The following ASCC3 variants were observed in gnomAD, a reference collection of about 807,000 sequenced individuals.
The protein encoded by ASCC3 is activating signal cointegrator 1 complex subunit 3, also known as ASC-1 complex subunit P200.
In ASCC3, 158 loss-of-function variants were observed where a neutral mutation model predicts 256.3. That is an observed-to-expected ratio of 0.62 (90% CI 0.54 to 0.70). The LOEUF (loss-of-function observed/expected upper bound fraction) is 0.70, where lower values mean the gene tolerates loss of function less well. Among genes scored for constraint, ASCC3 ranks in the 30% least tolerant of loss-of-function variants. ASCC3 has a pLI of 0.00. For missense variants in ASCC3, 2,259 were observed against 2,626.0 expected (o/e 0.86, Z 3.05); for synonymous variants, 948 against 883.4 (o/e 1.07, Z -1.30).
chr6:100,830,151 A>G (rs954096425), intron 4 of ASCC3, among the ~76,000 whole-genome samples: 4 of 151,956 alleles, frequency 2.6e-5, no homozygotes, highest in Non-Finnish European at 5.9e-5. Flanking sequence ...AACCACAGAA[A>G]GCAAAACTTG....
chr6:100,587,146 A>G (rs1771741831), intron 36 of ASCC3, among the ~76,000 whole-genome samples: 1 of 152,146 alleles, frequency 6.6e-6, no homozygotes, highest in African/African-American at 2.4e-5. Flanking sequence ...AGCTTTCCTC[A>G]TCTTCTTATG....
Position 100,532,419 on chromosome 6 carries a change from T to A in ASCC3, c.5775+7744A>T, listed in dbSNP as rs1434760389. ...ATATATATATATATTTTTTTTTTTT[T>A]TTTTTTTTAAATTACAAAAGCCATG... On this transcript the variant is annotated intron_variant, in intron 37 of 41. Transcript: ENST00000369162. 4.3e-4 allele frequency among the ~76,000 whole-genome samples: 61 copies of A among 143,412 alleles called. 1 individual carries two copies. Among genetic ancestry groups the A allele is most frequent in the African/African-American group, 1.5e-3 (58 of 39,412 alleles). 94.1% of individuals were successfully genotyped at this position (143,412 alleles called of 152,430 possible).
intron 10 of ASCC3, among the ~76,000 whole-genome samples, chr6:100,753,886 AT>A (rs1426917347): frequency 6.6e-6 from 1 of 152,154 alleles, no homozygotes; most frequent in African/African-American, 2.4e-5. Flanking sequence ...CATAAAATCA[AT>A]TTGCTTTACT....
intron 1 of ASCC3, among the ~76,000 whole-genome samples, chr6:100,871,119 G>C (rs186776291): frequency 6.6e-6 from 1 of 151,268 alleles, no homozygotes; most frequent in Non-Finnish European, 1.5e-5. Context: ...CTTTTGAGAC[G>C]GAGTCTCACT....
In ASCC3 at chr6:100,606,996, C is replaced by T; in HGVS notation, c.4878G>A (p.Arg1626=). The T allele has an allele frequency of 1.9e-6, 3 of 1,613,478 alleles. No individual in the cohort carries two copies. The highest frequency in any genetic ancestry group is 2.5e-6 in the Non-Finnish European group (3 of 1,179,758). The stretch of plus-strand genomic sequence containing the variant: ...ATAGTTCCTCTACTGTTTTTCGGTC[C>T]CTCTCATGTAGTCCAGCATGATGCA... ...IGMHHAGLHE[R]DRKTVEELFV... The change falls in exon 31 of 42, where the codon AGG becomes AGA. Residue 1626 remains arginine, a synonymous_variant. Coordinates refer to ENST00000369162, the MANE Select transcript of ASCC3 (RefSeq NM_006828.4).
At chr6:100,870,237 T>C (rs1271530905) in intron 1 of ASCC3, among the ~76,000 whole-genome samples, 1 of 149,430 alleles carries the variant, frequency 6.7e-6, no homozygotes, top group East Asian at 2.0e-4. Flanking sequence ...CATTTTTTAA[T>C]GCATTTTTTC....
intron 10 of ASCC3, among the ~76,000 whole-genome samples, chr6:100,760,222 T>C (rs763624587): frequency 2.0e-5 from 3 of 152,158 alleles, no homozygotes; most frequent in South Asian, 2.1e-4. Flanking sequence ...CATCCTTGTC[T>C]TGTACTGGTT....
intron 30 of ASCC3, among the ~76,000 whole-genome samples, chr6:100,619,349 C>T (rs1003174820): frequency 1.4e-4 from 22 of 152,086 alleles, no homozygotes; most frequent in Admixed American, 1.2e-3. Context: ...AATGTGGTCT[C>T]AGTATAGTCT....
intron 4 of ASCC3, among the ~76,000 whole-genome samples, chr6:100,817,609 G>C (rs1459317520): frequency 9.4e-6 from 1 of 106,460 alleles, no homozygotes; most frequent in African/African-American, 3.4e-5. Flanking sequence ...TAAGTTGAAA[G>C]AAGTAAAAAA....
chr6:100,538,568 C>T (rs1775282217), intron 37 of ASCC3, among the ~76,000 whole-genome samples: 1 of 151,900 alleles, frequency 6.6e-6, no homozygotes, highest in Admixed American at 6.6e-5. Flanking sequence ...TAAAAATCAC[C>T]CCAATTCCTG....
intron 37 of ASCC3, among the ~76,000 whole-genome samples, chr6:100,518,382 C>A (rs1413329154): frequency 1.3e-5 from 2 of 152,060 alleles, no homozygotes; most frequent in Non-Finnish European, 2.9e-5. Context: ...TTTGTTAGGG[C>A]AGCAGGGCTA....
At chr6:100,593,464 A>T (rs567744802) in intron 34 of ASCC3, among the ~76,000 whole-genome samples, 14 of 152,250 alleles carry the variant, frequency 9.2e-5, no homozygotes, top group African/African-American at 3.4e-4. Context: ...TGAAATCTCA[A>T]GTTACTTTTT....
intron 30 of ASCC3, among the ~76,000 whole-genome samples, chr6:100,610,909 C>G (rs374079597): frequency 2.8e-4 from 42 of 152,298 alleles, no homozygotes; most frequent in Middle Eastern, 3.4e-3. Context: ...CTACAAGGAA[C>G]TAATTCACTG....
chr6:100,877,608 C>A (rs1769046144), intron 1 of ASCC3, among the ~76,000 whole-genome samples: 1 of 152,066 alleles, frequency 6.6e-6, no homozygotes, highest in Non-Finnish European at 1.5e-5. Context: ...TTGTATTAAA[C>A]CTTATTACCA....
At chr6:100,628,289 G>A (rs760419343) in intron 27 of ASCC3, among the ~76,000 whole-genome samples, 1 of 152,028 alleles carries the variant, frequency 6.6e-6, no homozygotes, top group Non-Finnish European at 1.5e-5. Flanking sequence ...TGGTCAAAGG[G>A]TACAATGTTT....
At chr6:100,560,840 C>T (rs1287585707) in intron 36 of ASCC3, among the ~76,000 whole-genome samples, 3 of 151,032 alleles carry the variant, frequency 2.0e-5, no homozygotes, top group Non-Finnish European at 1.5e-5. Context: ...TAACCCAGTT[C>T]CTCAATTTAG....
Position 100,601,879 on chromosome 6 carries a change from G to A in ASCC3, c.5234C>T (p.Thr1745Ile). 5.0e-6 allele frequency: 8 copies of A among 1,612,522 alleles called. No homozygotes were observed. Among genetic ancestry groups the A allele is most frequent in the Non-Finnish European group, 6.8e-6 (8 of 1,178,854 alleles). ...ATAATCCAATGCATCTTGCTTAGAT[G>A]TAATTGTACCACCAGCAATCTCTGC... ...LNAEIAGGTI[T>I]SKQDALDYIT... Residue 1745 changes from threonine (T) to isoleucine (I), a missense_variant, in exon 34 of 42, where the codon ACA (threonine) becomes ATA (isoleucine). Transcript: ENST00000369162.
Position 100,864,048 on chromosome 6 carries a change from A to G in ASCC3, c.241+16T>C. 1 of 1,523,876 alleles carries G rather than the reference A, an allele frequency of 6.6e-7. No individual in the cohort carries two copies. The highest frequency in any genetic ancestry group is 8.8e-7 in the Non-Finnish European group (1 of 1,131,850). The allele number at this position is 1,523,876 out of a possible 1,614,324, so 94.4% of individuals were successfully genotyped here. A position where few individuals can be genotyped will look rare whatever the true frequency, so the allele number is the denominator to read the frequency against. Reference sequence around the variant, plus strand: ...GGTTCTCTTTAAAAAAAAAAAAGAAAAAAAGAAAACTATACCTATCTGCTT... The same window carrying G: ...GGTTCTCTTTAAAAAAAAAAAAGAAGAAAAGAAAACTATACCTATCTGCTT... On this transcript the variant is annotated intron_variant, in intron 3 of 41. Transcript: ENST00000369162.
chr6:100,701,982 A>G (rs1348197781), intron 13 of ASCC3, among the ~76,000 whole-genome samples: 1 of 152,134 alleles, frequency 6.6e-6, no homozygotes, highest in Non-Finnish European at 1.5e-5. Context: ...TGTAAAGAAG[A>G]AGCAGGTAAT....
Sources: allele counts gnomAD v4.1 joint callset (sites outside exome capture counted in the v4.1 genomes callset), GRCh38; gene constraint gnomAD v4.1.1; transcripts MANE v1.5; gene names NCBI Gene and HGNC (gene_info 2026-07-23, HGNC 2026-07-21).